Variants in RPS6KA2 observed in about 807,000 individuals in gnomAD.
RPS6KA2 encodes ribosomal protein S6 kinase A2.
Under a neutral mutation model 91.8 loss-of-function variants are expected in RPS6KA2, and 42 were observed. The ratio of observed to expected loss-of-function variants is 0.46; its 90% CI spans 0.36 to 0.59. The LOEUF is 0.59. RPS6KA2 is among the 20% of genes least tolerant of loss of function. The pLI, the probability that RPS6KA2 is intolerant of heterozygous loss-of-function variation, is 0.00. For missense variants in RPS6KA2, 798 were observed against 978.5 expected, an observed-to-expected ratio of 0.82 and a Z score of 2.46; for synonymous variants, 414 against 393.6, an observed-to-expected ratio of 1.05 and a Z score of -0.61.
At chr6:166,480,479 TTATATATATA>T (rs3066214) in intron 10 of RPS6KA2, among the ~76,000 whole-genome samples, 2,464 of 99,824 alleles carry the variant, frequency 0.025, 90 homozygotes, top group East Asian at 0.063. Flanking sequence ...GATTGTGATT[TTATATATATA>T]TATATATATA....
intron 8 of RPS6KA2, among the ~76,000 whole-genome samples, chr6:166,491,542 T>A (rs1174215759): frequency 6.6e-6 from 1 of 152,222 alleles, no homozygotes; most frequent in African/African-American, 2.4e-5. Context: ...ACCCTGAATC[T>A]AAGTGGAATG....
chr6:166,721,041 C>T (rs116732816), intron 2 of RPS6KA2, among the ~76,000 whole-genome samples: 272 of 152,320 alleles, frequency 1.8e-3, no homozygotes, highest in African/African-American at 6.1e-3. Context: ...GTCTGTGTAC[C>T]TCTTAACACC....
At chr6:166,750,605 AC>A (rs1282204308) in intron 2 of RPS6KA2, among the ~76,000 whole-genome samples, 4 of 152,120 alleles carry the variant, frequency 2.6e-5, no homozygotes, top group African/African-American at 9.7e-5. Flanking sequence ...CTTCCCTTCT[AC>A]TGTGGCTGAG....
chr6:166,480,680 G>A (rs1424948405), intron 10 of RPS6KA2, among the ~76,000 whole-genome samples: 1 of 151,480 alleles, frequency 6.6e-6, no homozygotes, highest in Admixed American at 6.6e-5. Context: ...ACACCCAGTT[G>A]ATTTTTATAT....
At chr6:166,526,308 C>G (rs1157883058) in intron 3 of RPS6KA2, among the ~76,000 whole-genome samples, 1 of 141,720 alleles carries the variant, frequency 7.1e-6, no homozygotes, top group Non-Finnish European at 1.5e-5. Context: ...CACAAGGAAA[C>G]AAAAATGTTT....
In RPS6KA2 at chr6:166,762,209, T is replaced by C. The variant is rs887137479; in HGVS notation, c.123+95991A>G. On this transcript the variant is annotated intron_variant, in intron 2 of 21. Transcript: ENST00000503859. ...CCAGGCACTAGGACAGTGGTGTCCC[T>C]GCGTCCTCCCCTCCCTCAGTCTCCC... is the stretch of plus-strand genomic sequence containing the variant. Among the ~76,000 whole-genome samples the C allele has an allele frequency of 3.3e-5, 5 of 152,188 alleles. No individual in the cohort carries two copies. In the South Asian group the frequency reaches 1.0e-3, roughly 32 times the overall value.
chr6:166,412,568 C>G lies in RPS6KA2; in HGVS notation c.*194G>C, dbSNP rs1778343902. On this transcript the variant is annotated 3_prime_UTR_variant, in exon 21 of 21. Coordinates refer to ENST00000265678, the MANE Select transcript of RPS6KA2 (RefSeq NM_021135.6). The surrounding 1 kb of genome is among the most constrained non-coding windows in gnomAD (Gnocchi z 4.3). The stretch of plus-strand genomic sequence containing the variant: ...AAAAGAGAGCGGGCGGGGAGGCTGG[C>G]GCAGTGAGGCTTGGAGAAGCCCCCA... 3.9e-6 allele frequency: 2 copies of G among 510,782 alleles called. No individual in the cohort carries two copies. The highest frequency in any genetic ancestry group is 6.8e-6 in the Non-Finnish European group (2 of 295,750). The allele number at this position is 510,782 out of a possible 1,614,324, so 31.6% of individuals were successfully genotyped here. A position where few individuals can be genotyped will look rare whatever the true frequency, so the allele number is the denominator to read the frequency against.
chr6:166,528,807 G>A, intron 3 of RPS6KA2, among the ~76,000 whole-genome samples: 1 of 151,900 alleles, frequency 6.6e-6, no homozygotes, highest in Non-Finnish European at 1.5e-5. Flanking sequence ...GCAGCCAAAA[G>A]ACACATGAAA....
rs181929884 is a variant in RPS6KA2 at position 166,443,333 on chromosome 6, T to G, written c.1332+5391A>C. Reference sequence around the variant, plus strand: ...CATGCAATTCAACTTTTGTTTTTTTTGGTCATGTGATGACTTTTCTCTGCC... The same window carrying G: ...CATGCAATTCAACTTTTGTTTTTTTGGGTCATGTGATGACTTTTCTCTGCC... On this transcript the variant is annotated intron_variant, in intron 14 of 20. Transcript: ENST00000265678. 3.0e-4 allele frequency among the ~76,000 whole-genome samples: 45 copies of G among 152,358 alleles called. No homozygotes were observed. The East Asian group carries it at 8.5e-3, about 29-fold the overall frequency.
At chr6:166,842,488 G>A (rs563656184) in intron 2 of RPS6KA2, among the ~76,000 whole-genome samples, 1 of 152,294 alleles carries the variant, frequency 6.6e-6, no homozygotes, top group South Asian at 2.1e-4. Context: ...CCAGCCCTGT[G>A]GATGCTGTGA....
chr6:166,792,001 A>G (rs1320854333), intron 2 of RPS6KA2, among the ~76,000 whole-genome samples: 5 of 152,182 alleles, frequency 3.3e-5, no homozygotes, highest in Admixed American at 6.5e-5. Context: ...AGAAGGCAAG[A>G]AATAACTAAG....
Position 166,500,020 on chromosome 6 carries a change from G to A in RPS6KA2, c.604+867C>T, listed in dbSNP as rs1781968551. On this transcript the variant is annotated intron_variant, in intron 7 of 20. Transcript: ENST00000265678. The surrounding 1 kb of genome is among the most constrained non-coding windows in gnomAD (Gnocchi z 4.3). ...ATTGCAAGGGTCTTCAGGTTAGGAA[G>A]GGAGGCAAGATGCAGTCAGAGAGCT... 6.6e-6 allele frequency among the ~76,000 whole-genome samples: 1 copy of A among 152,230 alleles called. No individual in the cohort carries two copies.
At chr6:166,590,040 T>C (rs113107780) in intron 1 of RPS6KA2, among the ~76,000 whole-genome samples, 2 of 152,084 alleles carry the variant, frequency 1.3e-5, no homozygotes, top group Admixed American at 6.5e-5. Context: ...GCAAGGGAAC[T>C]GGGGGGAATA....
intron 2 of RPS6KA2, among the ~76,000 whole-genome samples, chr6:166,786,514 TCAA>T (rs963702347): frequency 3.3e-5 from 5 of 152,090 alleles, no homozygotes; most frequent in Non-Finnish European, 5.9e-5. Context: ...TCTGATTGCA[TCAA>T]CAAAGATTTG....
intron 5 of RPS6KA2, among the ~76,000 whole-genome samples, chr6:166,505,201 T>A (rs1782156776): frequency 6.6e-6 from 1 of 151,574 alleles, no homozygotes; most frequent in South Asian, 2.1e-4. Flanking sequence ...GGGGGCGGGA[T>A]GGGGAGGGGT....
intron 2 of RPS6KA2, among the ~76,000 whole-genome samples, chr6:166,727,520 G>A (rs1273456652): frequency 6.6e-6 from 1 of 151,974 alleles, no homozygotes; most frequent in Non-Finnish European, 1.5e-5. Flanking sequence ...GCACTGTAAT[G>A]TGCCAGCACC....
At chr6:166,534,010 C>A (rs1161222506) in intron 2 of RPS6KA2, among the ~76,000 whole-genome samples, 4 of 151,964 alleles carry the variant, frequency 2.6e-5, no homozygotes, top group South Asian at 4.1e-4. Context: ...ATCACGAGGT[C>A]AGGAGATTGA....
At position 166,494,844 on chromosome 6, in the gene RPS6KA2, C is replaced by T. The variant is rs1345811579; in HGVS notation, c.747+3664G>A. Among the ~76,000 whole-genome samples, 4 of 152,352 alleles carry T rather than the reference C, an allele frequency of 2.6e-5. No homozygotes were observed. Among genetic ancestry groups the T allele is most frequent in the East Asian group, 1.9e-4 (1 of 5,188 alleles). ...ACACATGAGGACCACTCCCTCAGCACGCGGCCTCCAGGGTCTCAGCCTTCT... is the reference window on the plus strand; with the variant it reads ...ACACATGAGGACCACTCCCTCAGCATGCGGCCTCCAGGGTCTCAGCCTTCT... On this transcript the variant is annotated intron_variant, in intron 8 of 20. Transcript: ENST00000265678. The surrounding 1 kb of genome is among the most constrained non-coding windows in gnomAD (Gnocchi z 5.1).
At chr6:166,576,129 A>C (rs1784831307) in intron 1 of RPS6KA2, among the ~76,000 whole-genome samples, 1 of 152,182 alleles carries the variant, frequency 6.6e-6, no homozygotes, top group Admixed American at 6.5e-5. Flanking sequence ...ACCATGTAAG[A>C]AGTACCTTAC....
Sources: gnomAD v4.1 joint callset for allele counts (sites outside exome capture counted in the v4.1 genomes callset) on GRCh38, gnomAD v4.1.1 for gene constraint, Gnocchi (gnomAD v3.1) non-coding constraint, MANE v1.5 for transcripts, NCBI Gene and HGNC (gene_info 2026-07-23, HGNC 2026-07-21) for gene names.